DCC: variants seen among roughly 807,000 people sequenced by gnomAD.
The protein encoded by DCC is netrin receptor DCC.
In DCC, 58 loss-of-function variants were observed where a neutral mutation model predicts 172.5. The observed-to-expected ratio is 0.34, with a 90% confidence interval of 0.27 to 0.42. DCC has a LOEUF of 0.42. Ranked by LOEUF, DCC falls within the 10% of genes least tolerant of loss-of-function variation. The probability of loss-of-function intolerance (pLI) is 1.00; values close to 1 mark genes in which losing one functional copy is unlikely to be tolerated. For synonymous variants in DCC, 709 were observed against 644.5 expected, an observed-to-expected ratio of 1.10 and a Z score of -1.52; for missense variants, 1,740 against 1,791.0, an observed-to-expected ratio of 0.97 and a Z score of 0.51.
chr18:52,774,667 C>T (rs2037397730), intron 2 of DCC, among the ~76,000 whole-genome samples: 2 of 152,084 alleles, frequency 1.3e-5, no homozygotes, highest in African/African-American at 4.8e-5. Context: ...GCTGCTCACC[C>T]CTCTAGGGGA....
At chr18:53,147,191 C>A (rs1002153540) in intron 7 of DCC, among the ~76,000 whole-genome samples, 1 of 152,106 alleles carries the variant, frequency 6.6e-6, no homozygotes, top group Non-Finnish European at 1.5e-5. Flanking sequence ...TTCTTCACTG[C>A]AGTACATTAA....
intron 20 of DCC, among the ~76,000 whole-genome samples, chr18:53,414,504 T>C (rs1910184399): frequency 6.6e-6 from 1 of 152,150 alleles, no homozygotes; most frequent in South Asian, 2.1e-4. Flanking sequence ...GCTTTTTACT[T>C]TTCAATTATA....
chr18:52,581,444 T>C lies in DCC; in HGVS notation c.92-170610T>C, dbSNP rs148954063. On this transcript the variant is annotated intron_variant, in intron 1 of 28. Transcript: ENST00000442544. ...TATAAGAGATTATTATATTTATTTT[T>C]ACTCCCCATAGCACTGAAGCTCTAG... is the stretch of plus-strand genomic sequence containing the variant. 5.5e-3 allele frequency among the ~76,000 whole-genome samples: 845 copies of C among 152,310 alleles called. 9 individuals are homozygous for C. The highest frequency in any genetic ancestry group is 0.02 in the African/African-American group (817 of 41,564).
chr18:52,931,704 C>G (rs1401459924), intron 5 of DCC: 1 of 151,926 alleles, frequency 6.6e-6, no homozygotes, highest in Non-Finnish European at 1.5e-5. Context: ...TAATGACAAC[C>G]TTATTTACAA....
chr18:53,306,223 C>CTG, intron 13 of DCC, among the ~76,000 whole-genome samples: 1 of 152,274 alleles, frequency 6.6e-6, no homozygotes, highest in East Asian at 1.9e-4. Flanking sequence ...CAGAGTAGAT[C>CTG]AACCTTCTCT....
At position 52,470,456 on chromosome 18, in the gene DCC, T is replaced by C. The variant is rs186426376; in HGVS notation, c.91+129578T>C. 1.4e-3 allele frequency among the ~76,000 whole-genome samples: 213 copies of C among 152,282 alleles called. 1 individual carries two copies. The highest frequency in any genetic ancestry group is 5.6e-3 in the South Asian group (27 of 4,820). On this transcript the variant is annotated intron_variant, in intron 1 of 28. Coordinates refer to ENST00000442544, the MANE Select transcript of DCC (RefSeq NM_005215.4). ...TAGATTATTCTGTGTGACTTTCAGA[T>C]CTCTTGTAACATTGAGGAAGGGATC... is the stretch of plus-strand genomic sequence containing the variant.
At chr18:52,654,490 G>A (rs1020327058) in intron 1 of DCC, among the ~76,000 whole-genome samples, 2 of 152,082 alleles carry the variant, frequency 1.3e-5, no homozygotes, top group African/African-American at 2.4e-5. Flanking sequence ...CCAACTCAAG[G>A]TATCAGCAGG....
At chr18:53,259,754 G>A (rs1598957346) in intron 12 of DCC, among the ~76,000 whole-genome samples, 1 of 152,016 alleles carries the variant, frequency 6.6e-6, no homozygotes, top group Non-Finnish European at 1.5e-5. Flanking sequence ...TTGAATATTG[G>A]CCTGCCTTGG....
intron 1 of DCC, among the ~76,000 whole-genome samples, chr18:52,439,861 A>C (rs941130682): frequency 1.3e-5 from 2 of 152,218 alleles, no homozygotes; most frequent in Non-Finnish European, 2.9e-5. Context: ...TATCTTATGT[A>C]CCTCATAAAT....
At chr18:53,475,011 CTT>C (rs2045744664) in intron 25 of DCC, among the ~76,000 whole-genome samples, 1 of 152,002 alleles carries the variant, frequency 6.6e-6, no homozygotes, top group African/African-American at 2.4e-5. Context: ...GCAAAGGTGA[CTT>C]TGGTTATGTT....
At chr18:52,456,145 T>C (rs553599795) in intron 1 of DCC, among the ~76,000 whole-genome samples, 2 of 152,220 alleles carry the variant, frequency 1.3e-5, no homozygotes, top group Non-Finnish European at 1.5e-5. Context: ...TATATTTATT[T>C]AAATATATTG....
intron 1 of DCC, among the ~76,000 whole-genome samples, chr18:52,421,621 T>C (rs540643700): frequency 5.3e-5 from 8 of 152,286 alleles, no homozygotes; most frequent in Admixed American, 1.3e-4. Flanking sequence ...CCACGGAGCA[T>C]AGGGAATCAG....
At chr18:53,036,972 CA>C (rs1279718608) in intron 5 of DCC, among the ~76,000 whole-genome samples, 1 of 151,938 alleles carries the variant, frequency 6.6e-6, no homozygotes, top group Non-Finnish European at 1.5e-5. Context: ...GAGTATTTTT[CA>C]AGCAGGTAGT....
intron 8 of DCC, 57 bp downstream of exon 8, chr18:53,157,569 G>T (rs949522907): frequency 2.5e-6 from 4 of 1,580,998 alleles, no homozygotes; most frequent in Non-Finnish European, 2.6e-6. Flanking sequence ...AAGTCAATAC[G>T]GTTGGGTAAT....
chr18:52,872,116 C>T (rs1227751032), intron 2 of DCC, among the ~76,000 whole-genome samples: 1 of 152,116 alleles, frequency 6.6e-6, no homozygotes, highest in Non-Finnish European at 1.5e-5. Context: ...TATTCATTTA[C>T]AGGAACATGG....
chr18:52,357,873 G>C (rs112440833), intron 1 of DCC, among the ~76,000 whole-genome samples: 22,075 of 151,036 alleles, frequency 0.15, 1,775 homozygotes, highest in African/African-American at 0.21. Context: ...ACGAGGCGGA[G>C]CTTGCAGTGA....
intron 1 of DCC, among the ~76,000 whole-genome samples, chr18:52,469,233 A>G (rs1398545959): frequency 6.6e-6 from 1 of 151,740 alleles, no homozygotes; most frequent in Non-Finnish European, 1.5e-5. Context: ...AATTTTTTGT[A>G]TTTTAGTAGA....
intron 12 of DCC, among the ~76,000 whole-genome samples, chr18:53,281,020 T>C (rs1490610035): frequency 6.6e-6 from 1 of 152,138 alleles, no homozygotes; most frequent in Non-Finnish European, 1.5e-5. Context: ...GAGACTGAGA[T>C]ACCAGCAAAA....
At chr18:53,310,423 A>G (rs892284108) in intron 13 of DCC, among the ~76,000 whole-genome samples, 7 of 151,998 alleles carry the variant, frequency 4.6e-5, no homozygotes, top group African/African-American at 1.7e-4. Context: ...TCAGGTGTAG[A>G]TACTCAAATT....
Sources: allele counts gnomAD v4.1 joint callset (sites outside exome capture counted in the v4.1 genomes callset), GRCh38; gene constraint gnomAD v4.1.1; transcripts MANE v1.5; gene names NCBI Gene and HGNC (gene_info 2026-07-23, HGNC 2026-07-21).